The following ABCB1 variants were observed in gnomAD, a reference collection of about 807,000 sequenced individuals.
The protein encoded by ABCB1 is ATP binding cassette subfamily B member 1.
A neutral mutation model predicts 142.0 loss-of-function variants in ABCB1; 69 were observed. The observed-to-expected ratio is 0.49, with a 90% CI of 0.40 to 0.59. The LOEUF (loss-of-function observed/expected upper bound fraction) is 0.59. ABCB1 is among the 20% of genes least tolerant of loss of function. The pLI is 0.00. For missense variants in ABCB1, 1,326 were observed against 1,554.7 expected (o/e 0.85, Z 2.47); for synonymous variants, 532 against 539.2 (o/e 0.99, Z 0.18).
At chr7:87,516,355 T>C (rs1224415016) in intron 24 of ABCB1, among the ~76,000 whole-genome samples, 154 bp downstream of exon 24, 1 of 152,242 alleles carries the variant, frequency 6.6e-6, no homozygotes, top group Non-Finnish European at 1.5e-5. Context: ...AATGTTGATG[T>C]ATATTATTAG....
At chr7:87,521,808 T>C in intron 21 of ABCB1, 1 of 781,248 alleles carries the variant, frequency 1.3e-6, no homozygotes, top group Non-Finnish European at 2.3e-6. Context: ...TTAAAGACAC[T>C]GAAGAACATC....
At position 87,544,489 on chromosome 7, in the gene ABCB1, A is replaced by T. The variant is rs28381923; in HGVS notation, c.2065-214T>A. On this transcript the variant is annotated intron_variant, in intron 16 of 27. Transcript: ENST00000622132. ...TTGCTACAATACTCCTTTATTTTTTAAAAAATAAATGATGTTTCCACAAAC... is the reference window on the plus strand; with the variant it reads ...TTGCTACAATACTCCTTTATTTTTTTAAAAATAAATGATGTTTCCACAAAC... Among the ~76,000 whole-genome samples, 6 of 152,300 alleles carry T rather than the reference A, an allele frequency of 3.9e-5. No individual in the cohort carries two copies. In the East Asian group the frequency reaches 5.8e-4, roughly 15 times the overall value.
intron 8 of ABCB1, among the ~76,000 whole-genome samples, chr7:87,556,307 A>G (rs1392987284): frequency 6.6e-6 from 1 of 152,238 alleles, no homozygotes; most frequent in Non-Finnish European, 1.5e-5. Flanking sequence ...ATATTAATAG[A>G]TAAATATATT....
rs546527484 is a variant in ABCB1 at position 87,516,731 on chromosome 7, C to CTTTTT, written c.2928-71_2928-67dup. 2,363 of 805,240 alleles carry CTTTTT rather than the reference C, an allele frequency of 2.9e-3. 23 individuals are homozygous for CTTTTT. The highest frequency in any genetic ancestry group is 0.029 in the East Asian group (581 of 20,320). The allele number at this position is 805,240 out of a possible 1,614,324, so 49.9% of individuals were successfully genotyped here. A position where few individuals can be genotyped will look rare whatever the true frequency, so the allele number is the denominator to read the frequency against. On this transcript the variant is annotated intron_variant, in intron 23 of 27. Transcript: ENST00000622132. ...TCACAATGCTAGAAAGCTGACACTC[C>CTTTTT]TTTTTTTTTTTTTTTTTTTTTTTGA...
intron 1 of ABCB1, among the ~76,000 whole-genome samples, chr7:87,679,825 G>A (rs1826746977): frequency 6.6e-6 from 1 of 150,580 alleles, no homozygotes; most frequent in African/African-American, 2.5e-5. Context: ...TAAAAGAATT[G>A]AAATCATATA....
chr7:87,509,770 G>A (rs951153304), intron 25 of ABCB1, among the ~76,000 whole-genome samples: 3 of 152,280 alleles, frequency 2.0e-5, no homozygotes, highest in African/African-American at 7.2e-5. Context: ...CCTGGATCCT[G>A]TGAATGTGTT....
At chr7:87,611,046 G>A (rs184229030) in intron 1 of ABCB1, among the ~76,000 whole-genome samples, 4 of 152,036 alleles carry the variant, frequency 2.6e-5, no homozygotes, top group African/African-American at 9.7e-5. Flanking sequence ...ATTTACTCTG[G>A]TCTTCTTCTA....
At chr7:87,533,437 T>G (rs1338268666) in intron 20 of ABCB1, among the ~76,000 whole-genome samples, 2 of 152,072 alleles carry the variant, frequency 1.3e-5, no homozygotes, top group Non-Finnish European at 2.9e-5. Flanking sequence ...GCCACAGAAA[T>G]AAATAAGATG....
intron 20 of ABCB1, among the ~76,000 whole-genome samples, chr7:87,532,730 C>T (rs1816111633): frequency 1.3e-5 from 2 of 152,164 alleles, no homozygotes; most frequent in South Asian, 4.1e-4. Context: ...TGCTGCTGTT[C>T]TGCCTATGAA....
intron 1 of ABCB1, among the ~76,000 whole-genome samples, chr7:87,632,761 G>C (rs1821353803): frequency 6.6e-6 from 1 of 152,022 alleles, no homozygotes; most frequent in South Asian, 2.1e-4. Context: ...CTTTGATTTT[G>C]GTTTTGGTGG....
intron 3 of ABCB1, among the ~76,000 whole-genome samples, chr7:87,594,237 G>A (rs1018536621): frequency 4.6e-5 from 7 of 152,184 alleles, no homozygotes; most frequent in African/African-American, 1.2e-4. Context: ...TCAGACAAGT[G>A]AACATGTCTG....
chr7:87,610,397 T>C lies in ABCB1; in HGVS notation c.-330-9319A>G, dbSNP rs907240847. Among the ~76,000 whole-genome samples the C allele has an allele frequency of 3.1e-3, 252 of 82,472 alleles. 1 individual carries two copies. The highest frequency in any genetic ancestry group is 3.4e-3 in the Non-Finnish European group (155 of 45,678). The allele number at this position is 82,472 out of a possible 152,430, so 54.1% of individuals were successfully genotyped here. On this transcript the variant is annotated intron_variant, in intron 1 of 28. Coordinates refer to the ABCB1 transcript ENST00000265724. ...GGACTACATACTACCACACCTGGCC[T>C]TTTTTTTTTTTTTTTTTTTTTTTTT... is the stretch of plus-strand genomic sequence containing the variant.
chr7:87,628,580 CGTGCGTGTGTGT>C (rs1478866666), intron 1 of ABCB1: 22 of 292,800 alleles, frequency 7.5e-5, no homozygotes, highest in South Asian at 2.3e-4. Flanking sequence ...GTGGTGCGTG[CGTGCGTGTGTGT>C]GTGTGTGTGT....
intron 1 of ABCB1, among the ~76,000 whole-genome samples, chr7:87,640,972 C>T (rs1822392756): frequency 6.6e-6 from 1 of 152,102 alleles, no homozygotes; most frequent in African/African-American, 2.4e-5. Flanking sequence ...TCACATTTAT[C>T]TTAAAGTTCT....
chr7:87,549,129 A>T (rs755868495), intron 14 of ABCB1, among the ~76,000 whole-genome samples: 1 of 152,236 alleles, frequency 6.6e-6, no homozygotes, highest in Non-Finnish European at 1.5e-5. Flanking sequence ...GTATTCATCA[A>T]CATTTAAAAT....
intron 4 of ABCB1, among the ~76,000 whole-genome samples, chr7:87,584,951 A>AC (rs141380026): frequency 0.062 from 9,218 of 148,746 alleles, 648 homozygotes; most frequent in African/African-American, 0.16. Context: ...ATCCTAAAAT[A>AC]CCCCCCCACA....
chr7:87,549,772 A>C (rs1816965210), intron 13 of ABCB1, 79 bp downstream of exon 13: 5 of 1,502,644 alleles, frequency 3.3e-6, no homozygotes, highest in Non-Finnish European at 3.7e-6. Flanking sequence ...GATTTATAGT[A>C]GTTTCCTAAC....
chr7:87,615,039 G>T (rs1193318090), intron 1 of ABCB1, among the ~76,000 whole-genome samples: 1 of 152,084 alleles, frequency 6.6e-6, no homozygotes, highest in Non-Finnish European at 1.5e-5. Context: ...TAGAGACGGG[G>T]TTTCACCGTG....
rs564443195 is a variant in ABCB1, at chr7:87,623,507, C to G, written c.-330-22429G>C. Among the ~76,000 whole-genome samples, 3 of 152,348 alleles carry G rather than the reference C, an allele frequency of 2.0e-5. No homozygotes were observed. In the South Asian group the frequency reaches 6.2e-4, roughly 32 times the overall value. On this transcript the variant is annotated intron_variant, in intron 1 of 28. Coordinates refer to the ABCB1 transcript ENST00000265724. ...ACTATCCATACCCTATTAATGAGCACGCTTCGCGCTTCCTGGCCCATGACC... is the reference window on the plus strand; with the variant it reads ...ACTATCCATACCCTATTAATGAGCAGGCTTCGCGCTTCCTGGCCCATGACC...
Sources: gnomAD v4.1 joint callset for allele counts (sites outside exome capture counted in the v4.1 genomes callset) on GRCh38, gnomAD v4.1.1 for gene constraint, MANE v1.5 for transcripts, NCBI Gene and HGNC (gene_info 2026-07-23, HGNC 2026-07-21) for gene names.